The following CCDC141 variants were observed in gnomAD, a reference collection of about 807,000 sequenced individuals.
CCDC141 encodes the protein coiled-coil domain containing 141.
In CCDC141, 168 loss-of-function variants were observed where a neutral mutation model predicts 181.0. The observed-to-expected ratio is 0.93, with a 90% confidence interval of 0.82 to 1.05. The LOEUF (loss-of-function observed/expected upper bound fraction) is 1.05. CCDC141 is among the 50% of genes least tolerant of loss of function. The pLI, the probability that CCDC141 is intolerant of heterozygous loss-of-function variation, is 0.00. For missense variants in CCDC141, 1,902 were observed against 1,788.5 expected (o/e 1.06, Z -1.14); for synonymous variants, 666 against 642.3 (o/e 1.04, Z -0.56).
At chr2:178,991,179 A>G (rs1692037689) in intron 2 of CCDC141, among the ~76,000 whole-genome samples, 1 of 152,176 alleles carries the variant, frequency 6.6e-6, no homozygotes, top group African/African-American at 2.4e-5. Flanking sequence ...AAATTTATCA[A>G]ACAGCAATAC....
At chr2:178,898,131 T>C (rs1558964050) in intron 8 of CCDC141, among the ~76,000 whole-genome samples, 1 of 152,188 alleles carries the variant, frequency 6.6e-6, no homozygotes, top group Non-Finnish European at 1.5e-5. Context: ...CTTCAAGAGG[T>C]AAATAACATG....
At chr2:178,924,735 G>C (rs1169401126) in intron 6 of CCDC141, among the ~76,000 whole-genome samples, 1 of 152,184 alleles carries the variant, frequency 6.6e-6, no homozygotes, top group African/African-American at 2.4e-5. Flanking sequence ...CCCTCACTAT[G>C]ATGCAGTCCA....
At chr2:178,847,269 C>T (rs1298850726) in intron 21 of CCDC141, among the ~76,000 whole-genome samples, 1 of 152,156 alleles carries the variant, frequency 6.6e-6, no homozygotes, top group Non-Finnish European at 1.5e-5. Context: ...GTGGCTCACA[C>T]CTGTAACCCC....
the CCDC141 span, among the ~76,000 whole-genome samples, chr2:178,818,255 C>CA: frequency 1.1e-4 from 16 of 152,232 alleles, no homozygotes; most frequent in African/African-American, 3.6e-4. Context: ...AAAACAAAAA[C>CA]AAAACCCATA....
intron 2 of CCDC141, among the ~76,000 whole-genome samples, chr2:179,020,663 G>C (rs1481500528): frequency 6.6e-6 from 1 of 152,102 alleles, no homozygotes; most frequent in African/African-American, 2.4e-5. Context: ...CCTTACCTGT[G>C]AAAATGAGTC....
intron 6 of CCDC141, among the ~76,000 whole-genome samples, chr2:178,923,471 T>C (rs1019618935): frequency 1.3e-5 from 2 of 152,188 alleles, no homozygotes; most frequent in Admixed American, 6.5e-5. Context: ...TTAAAAAATA[T>C]AGTTGTCACC....
intron 5 of CCDC141, among the ~76,000 whole-genome samples, chr2:178,944,953 C>T (rs1689669272): frequency 6.6e-6 from 1 of 151,936 alleles, no homozygotes; most frequent in Non-Finnish European, 1.5e-5. Context: ...CCAAGCAGTC[C>T]AAAAATCATG....
intron 17 of CCDC141, among the ~76,000 whole-genome samples, chr2:178,863,388 C>T (rs766671415): frequency 7.2e-5 from 11 of 152,126 alleles, no homozygotes; most frequent in Non-Finnish European, 1.5e-5. Context: ...TGGTTTAGTC[C>T]TCTGGCATGT....
intron 2 of CCDC141, among the ~76,000 whole-genome samples, chr2:178,980,946 T>G (rs1691355913): frequency 6.6e-6 from 1 of 152,102 alleles, no homozygotes; most frequent in South Asian, 2.1e-4. Flanking sequence ...GAAAGCTGAG[T>G]AGCTATGTTA....
chr2:178,963,400 C>T (rs967115984), intron 4 of CCDC141, among the ~76,000 whole-genome samples: 4 of 151,936 alleles, frequency 2.6e-5, no homozygotes, highest in African/African-American at 7.2e-5. Context: ...AGAATAACAG[C>T]GTCAAATATA....
chr2:179,037,392 A>G (rs770766327), intron 2 of CCDC141, among the ~76,000 whole-genome samples: 2 of 152,226 alleles, frequency 1.3e-5, no homozygotes, highest in Non-Finnish European at 2.9e-5. Flanking sequence ...CTGCTATGAC[A>G]TAGGTAATGT....
rs1431304710 is a variant in CCDC141 at position 178,866,633 on chromosome 2, G to A, written c.2575-717C>T. Among the ~76,000 whole-genome samples, 3 of 152,142 alleles carry A rather than the reference G, an allele frequency of 2.0e-5. No individual in the cohort carries two copies. The East Asian group carries it at 5.8e-4, about 29-fold the overall frequency. On this transcript the variant is annotated intron_variant, in intron 16 of 23. Coordinates refer to ENST00000443758, the MANE Select transcript of CCDC141 (RefSeq NM_173648.4). ...TATTAATGTTATACCTATTGTTAGA[G>A]TAAACATAATCTTTTCTCCCCTCAA... is the stretch of plus-strand genomic sequence containing the variant.
chr2:178,963,257 TACCAGG>T (rs1690484044), intron 4 of CCDC141, among the ~76,000 whole-genome samples: 1 of 152,160 alleles, frequency 6.6e-6, no homozygotes, highest in African/African-American at 2.4e-5. Flanking sequence ...GAAGCCAAGT[TACCAGG>T]TTGAGGAGTG....
At position 178,845,694 on chromosome 2, in the gene CCDC141, C is replaced by T. The variant is rs1216316746; in HGVS notation, c.3406G>A (p.Asp1136Asn). 6.2e-7 allele frequency: 1 copy of T among 1,612,508 alleles called. No homozygotes were observed. The highest frequency in any genetic ancestry group is 8.5e-7 in the Non-Finnish European group (1 of 1,178,766). ...MNPNLEDFHY[D>N]YIDLLKEPAK... ...GGTTCCTTTAGCAAGTCAATGTAAT[C>T]ATAATGGAAGTCTTCCAAATTCGGA... Residue 1136 changes from aspartate to asparagine, a missense_variant, in exon 22 of 24, where the codon GAT (aspartate) becomes AAT (asparagine). By Grantham distance (23) the Asp-to-Asn change is conservative. Transcript: ENST00000443758.
intron 2 of CCDC141, among the ~76,000 whole-genome samples, chr2:179,027,450 C>G (rs1010569381): frequency 5.3e-5 from 8 of 151,824 alleles, no homozygotes; most frequent in Non-Finnish European, 1.0e-4. Context: ...CAAGACCATC[C>G]TGGCTAACAC....
At chr2:178,842,889 C>T (rs1216222197) in intron 22 of CCDC141, among the ~76,000 whole-genome samples, 1 of 152,108 alleles carries the variant, frequency 6.6e-6, no homozygotes, top group Admixed American at 6.6e-5. Context: ...AAGAAGAACA[C>T]TAATTTTCTT....
At chr2:178,912,723 G>T (rs1208335244) in intron 7 of CCDC141, among the ~76,000 whole-genome samples, 2 of 152,136 alleles carry the variant, frequency 1.3e-5, no homozygotes, top group Non-Finnish European at 2.9e-5. Flanking sequence ...GCATAAAATA[G>T]AAACTCCTTA....
chr2:178,920,128 T>C (rs1228152686), intron 6 of CCDC141, among the ~76,000 whole-genome samples: 1 of 152,210 alleles, frequency 6.6e-6, no homozygotes, highest in Non-Finnish European at 1.5e-5. Context: ...ACTGTCTTGT[T>C]AGTGAATCTT....
intron 23 of CCDC141, chr2:178,835,951 G>A (rs1016276743): frequency 1.3e-5 from 2 of 152,562 alleles, no homozygotes; most frequent in African/African-American, 4.8e-5. Context: ...AAGTTCCTTA[G>A]ATAACTGGTT....
Sources: gnomAD v4.1 joint callset for allele counts (sites outside exome capture counted in the v4.1 genomes callset) on GRCh38, gnomAD v4.1.1 for gene constraint, MANE v1.5 for transcripts, NCBI Gene and HGNC (gene_info 2026-07-23, HGNC 2026-07-21) for gene names.